Variants in DPYD observed in about 807,000 individuals in gnomAD.
DPYD encodes the protein dihydropyrimidine dehydrogenase.
Under a neutral mutation model 116.2 loss-of-function variants are expected in DPYD, and 109 were observed. That is an observed-to-expected ratio of 0.94 (90% CI 0.80 to 1.10). The LOEUF is 1.10. Among genes scored for constraint, DPYD ranks in the 50% least tolerant of loss-of-function variants. The pLI, the probability that DPYD is intolerant of heterozygous loss-of-function variation, is 0.00. For synonymous variants in DPYD, 440 were observed against 432.0 expected (o/e 1.02, Z -0.23); for missense variants, 1,302 against 1,254.5 (o/e 1.04, Z -0.57).
At position 97,868,046 on chromosome 1, in the gene DPYD, T is replaced by A. The variant is rs12040079; in HGVS notation, c.150+15218A>T. Among the ~76,000 whole-genome samples the A allele has an allele frequency of 1.3e-4, 20 of 150,414 alleles. No individual in the cohort carries two copies. In the East Asian group the frequency reaches 4.0e-3, roughly 30 times the overall value. On this transcript the variant is annotated intron_variant, in intron 2 of 22. Coordinates refer to ENST00000370192, the MANE Select transcript of DPYD (RefSeq NM_000110.4). ...TTTACAAAATACAAAATCAACATACTAAATTCAGTAACATATCTACACATT... is the reference window on the plus strand; with the variant it reads ...TTTACAAAATACAAAATCAACATACAAAATTCAGTAACATATCTACACATT...
At chr1:97,647,932 G>T (rs1004839054) in intron 8 of DPYD, among the ~76,000 whole-genome samples, 2 of 151,892 alleles carry the variant, frequency 1.3e-5, no homozygotes, top group African/African-American at 4.8e-5. Context: ...ACTCAACTCT[G>T]CCCTTTCTCT....
chr1:97,397,157 C>T (rs1309171319), intron 14 of DPYD, among the ~76,000 whole-genome samples: 1 of 151,840 alleles, frequency 6.6e-6, no homozygotes, highest in African/African-American at 2.4e-5. Context: ...CCGTTTCATC[C>T]CTATGAAGAT....
chr1:97,859,942 G>A (rs886926891), intron 2 of DPYD, among the ~76,000 whole-genome samples: 1 of 151,890 alleles, frequency 6.6e-6, no homozygotes, highest in African/African-American at 2.4e-5. Context: ...TGGGTGTGGT[G>A]GCTCATTATG....
At chr1:97,862,770 AT>A (rs1571489904) in intron 2 of DPYD, among the ~76,000 whole-genome samples, 1 of 151,946 alleles carries the variant, frequency 6.6e-6, no homozygotes, top group East Asian at 1.9e-4. Flanking sequence ...ACATTAAAAA[AT>A]AATGACCTAA....
chr1:97,081,500 T>A (rs1649143226), intron 22 of DPYD, among the ~76,000 whole-genome samples: 1 of 152,064 alleles, frequency 6.6e-6, no homozygotes, highest in Non-Finnish European at 1.5e-5. Flanking sequence ...ATTGTTATGA[T>A]CATTTTTTCA....
intron 6 of DPYD, among the ~76,000 whole-genome samples, chr1:97,695,235 T>C (rs1325828764): frequency 6.6e-6 from 1 of 152,008 alleles, no homozygotes; most frequent in Non-Finnish European, 1.5e-5. Flanking sequence ...AGCTATATCC[T>C]TCACATTAAA....
chr1:97,452,555 A>C (rs1046851030), intron 13 of DPYD, among the ~76,000 whole-genome samples: 13 of 152,056 alleles, frequency 8.5e-5, no homozygotes, highest in Admixed American at 7.2e-4. Context: ...TACCCCACCC[A>C]AATCTCATGT....
At chr1:97,386,823 C>A (rs1268723530) in intron 14 of DPYD, among the ~76,000 whole-genome samples, 3 of 151,810 alleles carry the variant, frequency 2.0e-5, no homozygotes, top group Non-Finnish European at 2.9e-5. Flanking sequence ...AAAGAGAAAG[C>A]AATTTTTAAA....
intron 15 of DPYD, among the ~76,000 whole-genome samples, chr1:97,374,993 C>T (rs1671530645): frequency 7.1e-6 from 1 of 140,368 alleles, no homozygotes; most frequent in Non-Finnish European, 1.5e-5. Flanking sequence ...CATGCCACTG[C>T]ACTCCAGCCT....
At chr1:97,693,115 C>G (rs1351749282) in intron 6 of DPYD, among the ~76,000 whole-genome samples, 1 of 151,290 alleles carries the variant, frequency 6.6e-6, no homozygotes, top group Non-Finnish European at 1.5e-5. Flanking sequence ...ACGGTGAAAC[C>G]CCGTCTCTAC....
chr1:97,845,245 C>G (rs1022881206), intron 2 of DPYD, among the ~76,000 whole-genome samples: 1 of 152,184 alleles, frequency 6.6e-6, no homozygotes, highest in Admixed American at 6.5e-5. Context: ...GGAGTTAGAA[C>G]TTACAGTGCT....
intron 20 of DPYD, among the ~76,000 whole-genome samples, chr1:97,190,508 T>C (rs563331887): frequency 6.2e-4 from 95 of 152,234 alleles, no homozygotes; most frequent in African/African-American, 2.2e-3. Context: ...CACCAAGAGT[T>C]TGACATCAAC....
At position 97,810,286 on chromosome 1, in the gene DPYD, CA is replaced by C. The variant is rs71071672; in HGVS notation, c.233+17827del. 9.5e-3 allele frequency among the ~76,000 whole-genome samples: 700 copies of C among 73,580 alleles called. 3 individuals are homozygous for C. The highest frequency in any genetic ancestry group is 0.017 in the African/African-American group (296 of 17,112). 48.3% of individuals were successfully genotyped at this position (73,580 alleles called of 152,430 possible). A position where few individuals can be genotyped will look rare whatever the true frequency, so the allele number is the denominator to read the frequency against. On this transcript the variant is annotated intron_variant, in intron 3 of 22. Coordinates refer to ENST00000370192, the MANE Select transcript of DPYD (RefSeq NM_000110.4). ...TGGGCAACAGAGTGAGACTCCATCT[CA>C]AAAAAAAAAAAAAAAAAAAGAAGCA...
At chr1:97,559,685 CA>C (rs1407152511) in intron 11 of DPYD, among the ~76,000 whole-genome samples, 1 of 151,770 alleles carries the variant, frequency 6.6e-6, no homozygotes, top group Non-Finnish European at 1.5e-5. Flanking sequence ...CACTTCAATG[CA>C]AACTTAAAAC....
At chr1:97,720,059 T>C in intron 5 of DPYD, 1 of 984,798 alleles carries the variant, frequency 1.0e-6, no homozygotes, top group Non-Finnish European at 1.2e-6. Flanking sequence ...CAAGTAAGAG[T>C]TCCCAGAGGG....
At chr1:97,261,360 C>A (rs1663861877) in intron 18 of DPYD, among the ~76,000 whole-genome samples, 1 of 151,908 alleles carries the variant, frequency 6.6e-6, no homozygotes, top group Non-Finnish European at 1.5e-5. Context: ...TATGTATCTG[C>A]AATCACATCT....
chr1:97,542,589 T>C (rs1254393617), intron 12 of DPYD, among the ~76,000 whole-genome samples: 2 of 152,176 alleles, frequency 1.3e-5, no homozygotes, highest in Non-Finnish European at 2.9e-5. Context: ...AATACCCACA[T>C]CCAGATGGAA....
chr1:97,724,967 G>A (rs1571254142), intron 4 of DPYD, among the ~76,000 whole-genome samples: 1 of 149,986 alleles, frequency 6.7e-6, no homozygotes, highest in Admixed American at 6.7e-5. Context: ...GAGAGAGAGA[G>A]AGAGAGAGAG....
intron 3 of DPYD, among the ~76,000 whole-genome samples, chr1:97,799,081 C>T (rs1023402695): frequency 2.6e-5 from 4 of 151,842 alleles, no homozygotes; most frequent in Admixed American, 2.0e-4. Context: ...GGCAAGGAAA[C>T]GAGTCCTGTA....
Sources: gnomAD v4.1 joint callset for allele counts (sites outside exome capture counted in the v4.1 genomes callset) on GRCh38, gnomAD v4.1.1 for gene constraint, MANE v1.5 for transcripts, NCBI Gene and HGNC (gene_info 2026-07-23, HGNC 2026-07-21) for gene names.